RASGRF2: variants seen among roughly 807,000 people sequenced by gnomAD.
RASGRF2 encodes the protein Ras protein specific guanine nucleotide releasing factor 2.
A neutral mutation model predicts 151.0 loss-of-function variants in RASGRF2; 76 were observed. That is an observed-to-expected ratio of 0.50 (90% CI 0.42 to 0.61). RASGRF2 has a LOEUF of 0.61. Among genes scored for constraint, RASGRF2 ranks in the 20% least tolerant of loss-of-function variants. The pLI, the probability that RASGRF2 is intolerant of heterozygous loss-of-function variation, is 0.00. For synonymous variants in RASGRF2, 504 were observed against 566.5 expected, an observed-to-expected ratio of 0.89 and a Z score of 1.57; for missense variants, 1,148 against 1,564.6, an observed-to-expected ratio of 0.73 and a Z score of 4.49.
At chr5:81,073,688 G>A (rs1334729857) in intron 5 of RASGRF2, among the ~76,000 whole-genome samples, 1 of 151,724 alleles carries the variant, frequency 6.6e-6, no homozygotes, top group East Asian at 1.9e-4. Context: ...GCACAATCTC[G>A]GCTCACTGCC....
At chr5:81,169,955 C>A (rs1355136366) in intron 17 of RASGRF2, among the ~76,000 whole-genome samples, 1 of 89,222 alleles carries the variant, frequency 1.1e-5, no homozygotes, top group Non-Finnish European at 2.5e-5. Flanking sequence ...ACCCATACCA[C>A]CTGCATCACC....
chr5:81,093,004 T>TA (rs34991019), intron 10 of RASGRF2, 43 bp downstream of exon 10: 343,693 of 1,525,418 alleles, frequency 0.23, 40,961 homozygotes, highest in Admixed American at 0.34. Flanking sequence ...TCCAAGCACT[T>TA]ACAAGTTATT....
intron 17 of RASGRF2, among the ~76,000 whole-genome samples, chr5:81,156,866 G>C (rs1431900898): frequency 6.6e-6 from 1 of 152,072 alleles, no homozygotes; most frequent in Non-Finnish European, 1.5e-5. Context: ...GATTAGAAAA[G>C]AGGAAGTAAA....
intron 12 of RASGRF2, among the ~76,000 whole-genome samples, chr5:81,095,550 A>G (rs907395443): frequency 6.6e-6 from 1 of 152,218 alleles, no homozygotes; most frequent in African/African-American, 2.4e-5. Flanking sequence ...TTAGGAAATA[A>G]TATGATTTAG....
chr5:81,133,522 A>G (rs910190291), intron 17 of RASGRF2, among the ~76,000 whole-genome samples: 3 of 152,242 alleles, frequency 2.0e-5, no homozygotes, highest in African/African-American at 7.2e-5. Flanking sequence ...ATGAATAAAT[A>G]TATCAGAGCA....
intron 17 of RASGRF2, among the ~76,000 whole-genome samples, chr5:81,161,841 A>G (rs1172724744): frequency 6.6e-6 from 1 of 151,962 alleles, no homozygotes; most frequent in Non-Finnish European, 1.5e-5. Context: ...CAAGGAACTC[A>G]TTGCCAGCCT....
At chr5:80,981,034 C>T (rs1172102258) in intron 1 of RASGRF2, among the ~76,000 whole-genome samples, 1 of 152,162 alleles carries the variant, frequency 6.6e-6, no homozygotes, top group African/African-American at 2.4e-5. Flanking sequence ...ATGTCTTCTC[C>T]ACATTTGTCT....
chr5:81,214,376 G>A (rs545326079), intron 23 of RASGRF2, among the ~76,000 whole-genome samples: 1 of 152,314 alleles, frequency 6.6e-6, no homozygotes, highest in East Asian at 1.9e-4. Context: ...ATGGTAGGTA[G>A]GGCCTGGTTG....
intron 1 of RASGRF2, among the ~76,000 whole-genome samples, chr5:81,012,118 A>G (rs1031764320): frequency 3.3e-5 from 5 of 152,206 alleles, no homozygotes; most frequent in Admixed American, 2.6e-4. Flanking sequence ...GAAAACTGCA[A>G]GAGTAGTACA....
chr5:81,201,442 G>A lies in RASGRF2; in HGVS notation c.2906G>A (p.Arg969Lys). ...AGGAAAGCCGCCGCGAATATCCTCA[G>A]GTGAAGGCAGCTGAAGATGCCGACT... ...QERKAAANIL[R>K]ALSQDDQDDI... The change falls in exon 19 of 27, where the codon AGG (arginine) becomes AAG (lysine). Residue 969 changes from arginine to lysine, a missense_variant and splice_region_variant. Coordinates refer to ENST00000265080, the MANE Select transcript of RASGRF2 (RefSeq NM_006909.3). 6.2e-7 allele frequency: 1 copy of A among 1,611,624 alleles called. No individual in the cohort carries two copies. Among genetic ancestry groups the A allele is most frequent in the Non-Finnish European group, 8.5e-7 (1 of 1,179,350 alleles).
At chr5:81,189,688 G>C (rs1755112202) in intron 18 of RASGRF2, among the ~76,000 whole-genome samples, 1 of 149,816 alleles carries the variant, frequency 6.7e-6, no homozygotes, top group Non-Finnish European at 1.5e-5. Flanking sequence ...CACCATGTCA[G>C]AGGATAATCG....
At chr5:81,037,472 T>G (rs111688009) in intron 1 of RASGRF2, among the ~76,000 whole-genome samples, 1 of 152,210 alleles carries the variant, frequency 6.6e-6, no homozygotes, top group Admixed American at 6.5e-5. Context: ...TCTGGAAGAT[T>G]GTAGGATCCT....
intron 9 of RASGRF2, chr5:81,088,318 A>G (rs1752296494): frequency 6.6e-6 from 1 of 152,220 alleles, no homozygotes; most frequent in African/African-American, 2.4e-5. Flanking sequence ...AGCCTTTTAT[A>G]ATTTCCTCTT....
chr5:81,027,612 C>T (rs773890336), intron 1 of RASGRF2, among the ~76,000 whole-genome samples: 5 of 152,186 alleles, frequency 3.3e-5, no homozygotes, highest in South Asian at 2.1e-4. Flanking sequence ...CCTTATAACT[C>T]CCATCTGCCC....
intron 3 of RASGRF2, 145 bp downstream of exon 3, chr5:81,068,324 G>T: frequency 1.2e-6 from 1 of 807,946 alleles, no homozygotes. Flanking sequence ...GCCTGACCTA[G>T]ACATGAATCT....
chr5:81,124,033 C>T (rs1753386393), intron 16 of RASGRF2, among the ~76,000 whole-genome samples: 1 of 152,096 alleles, frequency 6.6e-6, no homozygotes, highest in Non-Finnish European at 1.5e-5. Flanking sequence ...TACTTTTTTT[C>T]TTGTCATTAT....
intron 17 of RASGRF2, among the ~76,000 whole-genome samples, chr5:81,139,989 G>A (rs1346405327): frequency 6.6e-6 from 1 of 151,970 alleles, no homozygotes; most frequent in African/African-American, 2.4e-5. Flanking sequence ...CACTAAATCT[G>A]GCTAATTTTT....
intron 24 of RASGRF2, among the ~76,000 whole-genome samples, chr5:81,216,403 A>ACAC (rs1755741502): frequency 8.0e-6 from 1 of 124,518 alleles, no homozygotes; most frequent in Non-Finnish European, 1.8e-5. Flanking sequence ...ACACACGCAG[A>ACAC]GAGAGAGAGA....
intron 1 of RASGRF2, among the ~76,000 whole-genome samples, chr5:81,032,372 A>G (rs1041856592): frequency 6.6e-5 from 10 of 152,386 alleles, no homozygotes; most frequent in African/African-American, 2.4e-4. Flanking sequence ...AATATCCCTG[A>G]TGAACATCGA....
Sources: allele counts gnomAD v4.1 joint callset (sites outside exome capture counted in the v4.1 genomes callset), GRCh38; gene constraint gnomAD v4.1.1; transcripts MANE v1.5; gene names NCBI Gene and HGNC (gene_info 2026-07-23, HGNC 2026-07-21).